PAK1: variants seen among roughly 807,000 people sequenced by gnomAD.
PAK1 encodes p21 (RAC1) activated kinase 1, also known as serine/threonine-protein kinase PAK 1.
A neutral mutation model predicts 67.4 loss-of-function variants in PAK1; 29 were observed. The ratio of observed to expected loss-of-function variants is 0.43; its 90% CI spans 0.32 to 0.59. The LOEUF is 0.59. PAK1 is among the 20% of genes least tolerant of loss of function. The pLI is 0.07. For missense variants in PAK1, 337 were observed against 670.7 expected (o/e 0.50, Z 5.50); for synonymous variants, 223 against 237.4 (o/e 0.94, Z 0.56).
chr11:77,364,193 T>A (rs534330453), intron 5 of PAK1, among the ~76,000 whole-genome samples: 1 of 152,374 alleles, frequency 6.6e-6, no homozygotes, highest in African/African-American at 2.4e-5. Flanking sequence ...TGCCTGGCTA[T>A]GTGCATACAC....
intron 1 of PAK1, among the ~76,000 whole-genome samples, chr11:77,441,488 C>T (rs558389888): frequency 6.6e-5 from 10 of 152,132 alleles, no homozygotes; most frequent in Non-Finnish European, 1.2e-4. Flanking sequence ...TTTCAACAGA[C>T]GAAAAGTAGA....
intron 1 of PAK1, among the ~76,000 whole-genome samples, chr11:77,438,262 C>T (rs1956214460): frequency 6.6e-6 from 1 of 152,082 alleles, no homozygotes; most frequent in Non-Finnish European, 1.5e-5. Flanking sequence ...TTTTAAACAA[C>T]CAGATCTCAT....
At position 77,322,583 on chromosome 11, in the gene PAK1, C is replaced by A; in HGVS notation, c.*691G>T. 1 of 205,238 alleles carries A rather than the reference C, an allele frequency of 4.9e-6. No homozygotes were observed. Among genetic ancestry groups the A allele is most frequent in the Non-Finnish European group, 1.0e-5 (1 of 98,758 alleles). The allele number at this position is 205,238 out of a possible 1,614,324, so 12.7% of individuals were successfully genotyped here. A position where few individuals can be genotyped will look rare whatever the true frequency, so the allele number is the denominator to read the frequency against. ...CAAGGGACAGGATAGGGGCAGCAGC[C>A]TAGGGTATGCAGGGAATCAAAAGCT... is the stretch of plus-strand genomic sequence containing the variant. On this transcript the variant is annotated 3_prime_UTR_variant, in exon 15 of 15. Transcript: ENST00000356341.
chr11:77,493,500 C>T, the PAK1 span, among the ~76,000 whole-genome samples: 8 of 133,132 alleles, frequency 6.0e-5, no homozygotes, highest in South Asian at 1.9e-3. Context: ...GCCATGTTGG[C>T]CAGGCTGGTC....
chr11:77,478,638 G>T (rs1034269364), upstream of PAK1, among the ~76,000 whole-genome samples: 14 of 152,004 alleles, frequency 9.2e-5, no homozygotes, highest in Non-Finnish European at 1.9e-4. Context: ...AAATTAGCCG[G>T]GCGTGGTGGC....
chr11:77,468,630 T>TA (rs1327456181), intron 1 of PAK1, among the ~76,000 whole-genome samples: 2 of 152,144 alleles, frequency 1.3e-5, no homozygotes, highest in African/African-American at 4.8e-5. Flanking sequence ...CCATCTGACA[T>TA]AGAGTTTTAT....
At chr11:77,420,204 A>G (rs1199654119) in intron 1 of PAK1, among the ~76,000 whole-genome samples, 1 of 152,208 alleles carries the variant, frequency 6.6e-6, no homozygotes, top group East Asian at 1.9e-4. Context: ...CCTTGAGTGA[A>G]TCACAAAAAC....
chr11:77,483,111 C>T, the PAK1 span, among the ~76,000 whole-genome samples: 27 of 151,480 alleles, frequency 1.8e-4, no homozygotes, highest in Non-Finnish European at 3.8e-4. Context: ...GCAGGAGAAT[C>T]GCTTGAACCT....
At chr11:77,436,312 AC>A (rs1410340459) in intron 1 of PAK1, among the ~76,000 whole-genome samples, 3 of 152,208 alleles carry the variant, frequency 2.0e-5, no homozygotes, top group Admixed American at 6.5e-5. Flanking sequence ...AGAAAAGAAA[AC>A]CAACAGATTT....
chr11:77,471,484 C>T (rs1453524162), intron 1 of PAK1, among the ~76,000 whole-genome samples: 1 of 152,114 alleles, frequency 6.6e-6, no homozygotes, highest in Non-Finnish European at 1.5e-5. Flanking sequence ...TCATTCTATG[C>T]AGGAAAAGGA....
the PAK1 span, among the ~76,000 whole-genome samples, chr11:77,512,459 T>A: frequency 6.6e-6 from 1 of 152,292 alleles, no homozygotes; most frequent in African/African-American, 2.4e-5. Flanking sequence ...AGGTGACTCA[T>A]GTCTACTGGT....
intron 1 of PAK1, among the ~76,000 whole-genome samples, chr11:77,453,326 C>G: frequency 6.6e-6 from 1 of 152,042 alleles, no homozygotes; most frequent in Non-Finnish European, 1.5e-5. Context: ...TGCACTCCAG[C>G]CTGGGCGAAA....
intron 1 of PAK1, chr11:77,411,976 C>G (rs1426854535): frequency 6.6e-6 from 1 of 152,364 alleles, no homozygotes; most frequent in African/African-American, 2.4e-5. Flanking sequence ...GAAGGCGCCG[C>G]GTCGGGGTTG....
intron 11 of PAK1, among the ~76,000 whole-genome samples, chr11:77,337,654 G>GT (rs1465838091): frequency 6.6e-6 from 1 of 152,126 alleles, no homozygotes; most frequent in Non-Finnish European, 1.5e-5. Flanking sequence ...CCTTAAAACA[G>GT]TTTTTTTAAG....
At chr11:77,352,910 C>T (rs1945471332) in intron 8 of PAK1, among the ~76,000 whole-genome samples, 1 of 152,144 alleles carries the variant, frequency 6.6e-6, no homozygotes, top group South Asian at 2.1e-4. Flanking sequence ...TAAGGATGCA[C>T]TTCTCAGAAC....
chr11:77,407,168 G>T (rs1953710854), intron 1 of PAK1, among the ~76,000 whole-genome samples: 1 of 152,156 alleles, frequency 6.6e-6, no homozygotes, highest in Non-Finnish European at 1.5e-5. Flanking sequence ...GTAGAACCAG[G>T]ATTTGAACTG....
intron 5 of PAK1, among the ~76,000 whole-genome samples, chr11:77,372,181 G>A (rs1948528863): frequency 6.6e-6 from 1 of 152,178 alleles, no homozygotes; most frequent in Non-Finnish European, 1.5e-5. Context: ...AAAGCATAAA[G>A]ACATTTGAGC....
At chr11:77,430,707 T>C (rs1426585199) in intron 1 of PAK1, among the ~76,000 whole-genome samples, 2 of 152,260 alleles carry the variant, frequency 1.3e-5, no homozygotes, top group Non-Finnish European at 2.9e-5. Context: ...ATTTAATCTC[T>C]TTGAACTGGA....
chr11:77,528,932 G>A, the PAK1 span, among the ~76,000 whole-genome samples: 1 of 152,180 alleles, frequency 6.6e-6, no homozygotes, highest in Non-Finnish European at 1.5e-5. Context: ...GGCAATTAAT[G>A]TCTGGCTGTC....
Sources: gnomAD v4.1 joint callset for allele counts (sites outside exome capture counted in the v4.1 genomes callset) on GRCh38, gnomAD v4.1.1 for gene constraint, MANE v1.5 for transcripts, NCBI Gene and HGNC (gene_info 2026-07-23, HGNC 2026-07-21) for gene names.